UGT2B17: variants seen among roughly 807,000 people sequenced by gnomAD.
UGT2B17 encodes UDP-glucuronosyltransferase 2B17.
UGT2B17 carries 21 observed loss-of-function variants against 48.2 expected under a neutral mutation model. The ratio of observed to expected loss-of-function variants is 0.44; its 90% CI spans 0.31 to 0.63. UGT2B17 has a LOEUF of 0.63. Ranked by LOEUF, UGT2B17 falls within the 20% of genes least tolerant of loss-of-function variation. The probability of loss-of-function intolerance (pLI) is 0.08; values close to 1 mark genes in which losing one functional copy is unlikely to be tolerated. For missense variants in UGT2B17, 402 were observed against 696.1 expected (o/e 0.58, Z 4.75); for synonymous variants, 146 against 238.4 (o/e 0.61, Z 3.57).
chr4:68,565,530 C>A (rs1169928059), intron 3 of UGT2B17, 42 bp downstream of exon 3: 1 of 1,326,750 alleles, frequency 7.5e-7, no homozygotes, highest in African/African-American at 1.5e-5. Flanking sequence ...GCCATTCCTT[C>A]TGAAAATGTC....
intron 4 of UGT2B17, among the ~76,000 whole-genome samples, chr4:68,555,923 G>GT (rs34104261): frequency 0.012 from 1,012 of 82,614 alleles, 127 homozygotes; most frequent in African/African-American, 0.035. Flanking sequence ...AAAATAAAAA[G>GT]TTTTTTTTTT....
chr4:68,565,793 G>T, intron 2 of UGT2B17, 73 bp from the exon 3 acceptor site: 1 of 1,237,008 alleles, frequency 8.1e-7, no homozygotes, highest in South Asian at 2.5e-5. Context: ...GAATATGCAG[G>T]TATTTTCCTG....
chr4:68,547,695 C>T (rs1200831628), intron 6 of UGT2B17, among the ~76,000 whole-genome samples: 1 of 116,624 alleles, frequency 8.6e-6, no homozygotes, highest in Non-Finnish European at 1.8e-5. Context: ...GGGCTAATAT[C>T]CAGAATCTAC....
rs13327941 is a variant in UGT2B17, at chr4:68,556,427, C to A, written c.1005+4110G>T. ...TCTGTTTGTTGTGGCATAATGCTAA[C>A]AGTGTTTTCTAAAAGCTATTCAACT... On this transcript the variant is annotated intron_variant, in intron 4 of 6. Coordinates refer to ENST00000317746, the MANE Select transcript of UGT2B17 (RefSeq NM_001077.4). Among the ~76,000 whole-genome samples the A allele has an allele frequency of 7.2e-3, 899 of 124,696 alleles. 168 individuals carry two copies. Among genetic ancestry groups the A allele is most frequent in the African/African-American group, 0.022 (817 of 36,730 alleles). The allele number at this position is 124,696 out of a possible 152,430, so 81.8% of individuals were successfully genotyped here.
In UGT2B17 at chr4:68,565,778, A is replaced by C; in HGVS notation, c.725-58T>G. 2 of 1,294,532 alleles carry C rather than the reference A, an allele frequency of 1.5e-6. 1 individual carries two copies. The highest frequency in any genetic ancestry group is 2.0e-6 in the Non-Finnish European group (2 of 1,008,142). The allele number at this position is 1,294,532 out of a possible 1,614,324, so 80.2% of individuals were successfully genotyped here. ...AGCTAACACGAGAATTGTTATTTTA[A>C]TATTGAATATGCAGGTATTTTCCTG... On this transcript the variant is annotated intron_variant, in intron 2 of 6. Coordinates refer to ENST00000317746, the MANE Select transcript of UGT2B17 (RefSeq NM_001077.4).
chr4:68,565,455 T>A, intron 3 of UGT2B17, 117 bp downstream of exon 3: 1 of 945,702 alleles, frequency 1.1e-6, no homozygotes, highest in South Asian at 3.1e-5. Context: ...TAATGGCAAG[T>A]CCTTTTTTTT....
In UGT2B17 at chr4:68,556,791, C is replaced by G. The variant is rs1404774307; in HGVS notation, c.1005+3746G>C. Among the ~76,000 whole-genome samples, 14 of 125,852 alleles carry G rather than the reference C, an allele frequency of 1.1e-4. 3 individuals carry two copies. Among genetic ancestry groups the G allele is most frequent in the African/African-American group, 3.8e-4 (14 of 37,100 alleles). The allele number at this position is 125,852 out of a possible 152,430, so 82.6% of individuals were successfully genotyped here. A position where few individuals can be genotyped will look rare whatever the true frequency, so the allele number is the denominator to read the frequency against. Reference sequence around the variant, plus strand: ...GGGCTTATTGTTTGGCAAATTGAGTCTCCTCTCTCAAAGAATGAAGATTTT... The same window carrying G: ...GGGCTTATTGTTTGGCAAATTGAGTGTCCTCTCTCAAAGAATGAAGATTTT... On this transcript the variant is annotated intron_variant, in intron 4 of 6. Transcript: ENST00000317746.
At position 68,551,750 on chromosome 4, in the gene UGT2B17, G is replaced by T; in HGVS notation, c.1093+74C>A. The T allele has an allele frequency of 5.1e-6, 5 of 978,984 alleles. No individual in the cohort carries two copies. In the South Asian group the frequency reaches 8.5e-5, roughly 17 times the overall value. 60.6% of individuals were successfully genotyped at this position (978,984 alleles called of 1,614,324 possible). ...CCAATAATAAATGTTAAATATGTTT[G>T]TTTTATGTTGAAATATTATCACTTC... On this transcript the variant is annotated intron_variant, in intron 5 of 6. Transcript: ENST00000317746.
chr4:68,552,785 C>CA (rs1355149834), intron 4 of UGT2B17, among the ~76,000 whole-genome samples: 1 of 125,514 alleles, frequency 8.0e-6, no homozygotes, highest in African/African-American at 2.7e-5. Context: ...CCTGATACCC[C>CA]AAAATTCAGT....
In UGT2B17 at chr4:68,540,617, A is replaced by T. The variant is rs1157611113; in HGVS notation, c.1314-2713T>A. ...TGGGATTACAGGCTTGAGCCACCAC[A>T]TCTGGTCGGTTCACATTTTTTAAAA... is the stretch of plus-strand genomic sequence containing the variant. On this transcript the variant is annotated intron_variant, in intron 6 of 6. Transcript: ENST00000317746. 1.6e-5 allele frequency among the ~76,000 whole-genome samples: 2 copies of T among 126,654 alleles called. 1 individual carries two copies. Among genetic ancestry groups the T allele is most frequent in the Non-Finnish European group, 3.4e-5 (2 of 59,590 alleles). 83.1% of individuals were successfully genotyped at this position (126,654 alleles called of 152,430 possible).
At position 68,554,024 on chromosome 4, in the gene UGT2B17, T is replaced by TA. The variant is rs1448543461; in HGVS notation, c.1006-2114dup. On this transcript the variant is annotated intron_variant, in intron 4 of 6. Coordinates refer to ENST00000317746, the MANE Select transcript of UGT2B17 (RefSeq NM_001077.4). ...GAAATCCCCAAGAAAAATTAACTTT[T>TA]AAAAAAAGGCTAGTCCAGGAAACAC... Among the ~76,000 whole-genome samples the TA allele has an allele frequency of 2.4e-5, 3 of 124,452 alleles. 1 individual carries two copies. Among genetic ancestry groups the TA allele is most frequent in the African/African-American group, 8.2e-5 (3 of 36,368 alleles). The allele number at this position is 124,452 out of a possible 152,430, so 81.6% of individuals were successfully genotyped here.
Position 68,563,927 on chromosome 4 carries a change from T to C in UGT2B17, c.873+1645A>G, listed in dbSNP as rs558975713. Reference sequence around the variant, plus strand: ...TCTTAAATGGCTGGCACATGTTAGCTAATTTAAAATATTAGAAATAATGAC... The same window carrying C: ...TCTTAAATGGCTGGCACATGTTAGCCAATTTAAAATATTAGAAATAATGAC... On this transcript the variant is annotated intron_variant, in intron 3 of 6. Transcript: ENST00000317746. Among the ~76,000 whole-genome samples the C allele has an allele frequency of 6.4e-5, 8 of 125,928 alleles. 4 individuals carry two copies. The South Asian group carries it at 2.9e-3, about 46-fold the overall frequency. 82.6% of individuals were successfully genotyped at this position (125,928 alleles called of 152,430 possible). A position where few individuals can be genotyped will look rare whatever the true frequency, so the allele number is the denominator to read the frequency against.
At chr4:68,554,592 G>T (rs1484519048) in intron 4 of UGT2B17, among the ~76,000 whole-genome samples, 1 of 124,220 alleles carries the variant, frequency 8.1e-6, no homozygotes, top group Admixed American at 8.3e-5. Flanking sequence ...AATCTTTTGT[G>T]TGTGTGTAAG....
Position 68,567,683 on chromosome 4 carries a change from A to C in UGT2B17, c.724+78T>G, listed in dbSNP as rs1365577233. 7.5e-5 allele frequency: 75 copies of C among 1,006,498 alleles called. 14 individuals carry two copies. The highest frequency in any genetic ancestry group is 1.0e-4 in the African/African-American group (6 of 58,958). 62.3% of individuals were successfully genotyped at this position (1,006,498 alleles called of 1,614,324 possible). On this transcript the variant is annotated intron_variant, in intron 2 of 6. Transcript: ENST00000317746. Reference sequence around the variant, plus strand: ...TCCCATAAAAACACTATCTTCTGACATTATATTTATATAAGCCCACCTTCA... The same window carrying C: ...TCCCATAAAAACACTATCTTCTGACCTTATATTTATATAAGCCCACCTTCA...
intron 6 of UGT2B17, among the ~76,000 whole-genome samples, chr4:68,546,687 A>G (rs1277362595): frequency 7.9e-6 from 1 of 125,884 alleles, no homozygotes; most frequent in Non-Finnish European, 1.7e-5. Context: ...TGATCGTCTG[A>G]GCCCCAAATC....
At chr4:68,543,404 G>T (rs1236640418) in intron 6 of UGT2B17, among the ~76,000 whole-genome samples, 2 of 125,116 alleles carry the variant, frequency 1.6e-5, no homozygotes, top group Non-Finnish European at 3.4e-5. Flanking sequence ...ACTAACAAAC[G>T]GAAAGGACAT....
chr4:68,537,707 G>A lies in UGT2B17; in HGVS notation c.1511C>T (p.Thr504Ile). The change falls in exon 7 of 7, where the codon ACT (threonine) becomes ATT (isoleucine). Residue 504 changes from threonine to isoleucine, a missense_variant. Thr to Ile is a moderately conservative substitution (Grantham distance 89). Transcript: ENST00000317746. ...VIAFLLACVA[T>I]MIFMITKCCL... is the part of the protein sequence containing the mutation. ...ACATTTTGTGATCATAAATATCATA[G>A]TTGCCACGCAGGCCAGCAGGAATGC... 2.9e-6 allele frequency: 4 copies of A among 1,378,662 alleles called. 1 individual carries two copies. Among genetic ancestry groups the A allele is most frequent in the Non-Finnish European group, 3.8e-6 (4 of 1,054,646 alleles). 85.4% of individuals were successfully genotyped at this position (1,378,662 alleles called of 1,614,324 possible). A position where few individuals can be genotyped will look rare whatever the true frequency, so the allele number is the denominator to read the frequency against.
intron 4 of UGT2B17, among the ~76,000 whole-genome samples, chr4:68,553,082 A>C (rs1730944331): frequency 8.0e-6 from 1 of 125,280 alleles, no homozygotes; most frequent in African/African-American, 2.7e-5. Context: ...AGCTGGACTT[A>C]ATTTCTCCTT....
At position 68,538,771 on chromosome 4, in the gene UGT2B17, A is replaced by T. The variant is rs1319617138; in HGVS notation, c.1314-867T>A. 4.7e-5 allele frequency among the ~76,000 whole-genome samples: 6 copies of T among 126,318 alleles called. 1 individual carries two copies. Among genetic ancestry groups the T allele is most frequent in the African/African-American group, 1.6e-4 (6 of 36,898 alleles). The allele number at this position is 126,318 out of a possible 152,430, so 82.9% of individuals were successfully genotyped here. A position where few individuals can be genotyped will look rare whatever the true frequency, so the allele number is the denominator to read the frequency against. ...CTGTGGTCTAGAGAACGCTACACAG[A>T]CACCTACTTGTCCTAACCCTTTCCC... On this transcript the variant is annotated intron_variant, in intron 6 of 6. Transcript: ENST00000317746.
Sources: gnomAD v4.1 joint callset for allele counts (sites outside exome capture counted in the v4.1 genomes callset) on GRCh38, gnomAD v4.1.1 for gene constraint, MANE v1.5 for transcripts, NCBI Gene and HGNC (gene_info 2026-07-23, HGNC 2026-07-21) for gene names.